Variants in ANO3 observed in about 807,000 individuals in gnomAD.
ANO3 encodes the protein anoctamin 3.
A neutral mutation model predicts 144.8 loss-of-function variants in ANO3; 99 were observed. That is an observed-to-expected ratio of 0.68 (90% CI 0.58 to 0.81). The LOEUF (loss-of-function observed/expected upper bound fraction) is 0.81, where lower values mean the gene tolerates loss of function less well. Ranked by LOEUF, ANO3 falls within the 30% of genes least tolerant of loss-of-function variation. The pLI is 0.00. For missense variants in ANO3, 905 were observed against 1,202.2 expected (o/e 0.75, Z 3.66); for synonymous variants, 414 against 392.6 (o/e 1.05, Z -0.64).
At chr11:26,406,933 A>AT (rs1565006740) in intron 1 of ANO3, among the ~76,000 whole-genome samples, 20 of 147,976 alleles carry the variant, frequency 1.4e-4, no homozygotes, top group African/African-American at 4.9e-4. Context: ...TATATATATA[A>AT]ATACATCTGT....
At chr11:26,478,286 A>G (rs1452422573) in intron 4 of ANO3, among the ~76,000 whole-genome samples, 1 of 152,170 alleles carries the variant, frequency 6.6e-6, no homozygotes, top group African/African-American at 2.4e-5. Context: ...AACCTTGATC[A>G]CATGTCTATT....
chr11:26,357,697 G>A (rs1038040533), intron 1 of ANO3, among the ~76,000 whole-genome samples: 4 of 151,994 alleles, frequency 2.6e-5, no homozygotes, highest in Admixed American at 1.3e-4. Flanking sequence ...TAATTTTGAT[G>A]AAGTAGAATT....
In ANO3 at chr11:26,434,533, G is replaced by T. The variant is rs186746564; in HGVS notation, c.47-7385G>T. 2.9e-3 allele frequency among the ~76,000 whole-genome samples: 436 copies of T among 151,996 alleles called. 3 individuals carry two copies. The highest frequency in any genetic ancestry group is 0.017 in the Admixed American group (266 of 15,254). On this transcript the variant is annotated intron_variant, in intron 1 of 26. Transcript: ENST00000256737. Reference sequence around the variant, plus strand: ...TTGTGATGTTAGGTTGTTAATTTGGGATCTTTCTAACTTATTGATGTGGGC... The same window carrying T: ...TTGTGATGTTAGGTTGTTAATTTGGTATCTTTCTAACTTATTGATGTGGGC...
At chr11:26,225,710 A>C (rs1016256374) in intron 1 of ANO3, among the ~76,000 whole-genome samples, 3 of 152,102 alleles carry the variant, frequency 2.0e-5, no homozygotes, top group Non-Finnish European at 4.4e-5. Context: ...CTTATTTATG[A>C]TCTACAAGAT....
chr11:26,473,343 T>G (rs2134074439), intron 4 of ANO3, among the ~76,000 whole-genome samples: 1 of 152,052 alleles, frequency 6.6e-6, no homozygotes, highest in African/African-American at 2.4e-5. Flanking sequence ...AGCATTCAAT[T>G]TTATTTGCTT....
chr11:26,565,676 A>T, intron 14 of ANO3: 1 of 1,613,272 alleles, frequency 6.2e-7, no homozygotes. Flanking sequence ...AGGTGGTTAT[A>T]TTTTCTTTAT....
At chr11:26,267,110 GAAA>G (rs1272550129) in intron 1 of ANO3, among the ~76,000 whole-genome samples, 32 of 139,688 alleles carry the variant, frequency 2.3e-4, no homozygotes, top group African/African-American at 7.8e-4. Flanking sequence ...AAAAAAAAAA[GAAA>G]AGAAAAGAAA....
intron 1 of ANO3, among the ~76,000 whole-genome samples, chr11:26,375,529 T>C (rs1326257668): frequency 1.3e-5 from 2 of 152,168 alleles, no homozygotes; most frequent in Non-Finnish European, 2.9e-5. Context: ...AATGAATCGG[T>C]GAGTTATTGT....
rs566203154 is a variant in ANO3 at position 26,350,532 on chromosome 11, T to A, written c.46+18211T>A. On this transcript the variant is annotated intron_variant, in intron 1 of 26. Transcript: ENST00000256737. ...AACCTTCAACAATTTGTATTTAGAT[T>A]CTGACTTTAATCTATTTAATCTATT... Among the ~76,000 whole-genome samples, 6 of 152,348 alleles carry A rather than the reference T, an allele frequency of 3.9e-5. No homozygotes were observed. In the South Asian group the frequency reaches 1.2e-3, roughly 32 times the overall value.
intron 1 of ANO3, among the ~76,000 whole-genome samples, chr11:26,260,961 A>G (rs1412993243): frequency 1.3e-5 from 2 of 152,214 alleles, no homozygotes; most frequent in African/African-American, 2.4e-5. Flanking sequence ...GAGCATGTGC[A>G]TATCTAGAGA....
chr11:26,313,977 T>G (rs1394189677), intron 1 of ANO3, among the ~76,000 whole-genome samples: 1 of 151,842 alleles, frequency 6.6e-6, no homozygotes, highest in Non-Finnish European at 1.5e-5. Flanking sequence ...CATGAAAAGT[T>G]CAGTAGAAGA....
At chr11:26,553,446 A>C in intron 13 of ANO3, 101 bp downstream of exon 13, 18 of 708,008 alleles carry the variant, frequency 2.5e-5, no homozygotes, top group Non-Finnish European at 4.0e-5. Context: ...AAGTGTTCTC[A>C]AGAGTTTCAA....
At chr11:26,330,501 C>G (rs1486540905), upstream of ANO3, among the ~76,000 whole-genome samples, 2 of 152,170 alleles carry the variant, frequency 1.3e-5, no homozygotes, top group East Asian at 3.9e-4. Context: ...CTGGAAAGAC[C>G]ATTATGATAC....
chr11:26,531,960 A>G (rs1023760489), intron 8 of ANO3, among the ~76,000 whole-genome samples: 10 of 152,192 alleles, frequency 6.6e-5, no homozygotes, highest in Non-Finnish European at 1.3e-4. Context: ...AGGTACACCC[A>G]GTCTAATGGG....
chr11:26,408,193 C>A (rs1033537854), intron 1 of ANO3, among the ~76,000 whole-genome samples: 1 of 151,908 alleles, frequency 6.6e-6, no homozygotes, highest in South Asian at 2.1e-4. Context: ...AGGCAACCTA[C>A]AAAATGGGAC....
intron 14 of ANO3, among the ~76,000 whole-genome samples, chr11:26,581,772 C>T (rs1487607953): frequency 6.6e-6 from 1 of 150,386 alleles, no homozygotes; most frequent in African/African-American, 2.4e-5. Context: ...TGGAAAGTAT[C>T]ATGTGGAAAC....
intron 1 of ANO3, among the ~76,000 whole-genome samples, chr11:26,347,070 T>G (rs2133907350): frequency 6.6e-6 from 1 of 152,324 alleles, no homozygotes; most frequent in South Asian, 2.1e-4. Flanking sequence ...CTAATTCTTG[T>G]TAGGAGGTAA....
chr11:26,548,604 C>T (rs1849849648), intron 12 of ANO3, among the ~76,000 whole-genome samples: 1 of 150,960 alleles, frequency 6.6e-6, no homozygotes. Flanking sequence ...ATAAGTATAA[C>T]AATTATGCTT....
At position 26,334,782 on chromosome 11, in the gene ANO3, T is replaced by C. The variant is rs1448213476; in HGVS notation, c.46+2461T>C. On this transcript the variant is annotated intron_variant, in intron 1 of 26. Coordinates refer to ENST00000256737, the MANE Select transcript of ANO3 (RefSeq NM_031418.4). ...TAGCTGAAAAATCCAGTTGATGGAA[T>C]TTACTTTTGTTTTATTCAAGTGAGC... Among the ~76,000 whole-genome samples, 4 of 152,334 alleles carry C rather than the reference T, an allele frequency of 2.6e-5. No homozygotes were observed. The East Asian group carries it at 7.7e-4, about 29-fold the overall frequency.
Sources: gnomAD v4.1 joint callset for allele counts (sites outside exome capture counted in the v4.1 genomes callset) on GRCh38, gnomAD v4.1.1 for gene constraint, MANE v1.5 for transcripts, NCBI Gene and HGNC (gene_info 2026-07-23, HGNC 2026-07-21) for gene names.